TENM1: variants seen among roughly 807,000 people sequenced by gnomAD.
TENM1 encodes teneurin-1.
In TENM1, 35 loss-of-function variants were observed where a neutral mutation model predicts 174.8. That is an observed-to-expected ratio of 0.20 (90% CI 0.15 to 0.27). TENM1 has a LOEUF of 0.27. Ranked by LOEUF, TENM1 falls within the 10% of genes least tolerant of loss-of-function variation. The pLI is 1.00. For missense variants in TENM1, 1,633 were observed against 2,130.1 expected (o/e 0.77, Z 4.59); for synonymous variants, 781 against 798.7 (o/e 0.98, Z 0.37).
chrX:124,879,634 C>A (rs141615680), intron 3 of TENM1, among the ~76,000 whole-genome samples: 1,483 of 111,618 alleles, frequency 0.013, 35 homozygotes, highest in African/African-American at 0.046. Flanking sequence ...GATAAATGCC[C>A]AAGAGTGGGA....
the TENM1 span, among the ~76,000 whole-genome samples, chrX:125,178,521 C>T: frequency 9.1e-6 from 1 of 110,201 alleles, no homozygotes; most frequent in Non-Finnish European, 1.9e-5. Context: ...AAATATCTGA[C>T]CATTACTGAA....
At chrX:124,998,597 C>G in the TENM1 span, among the ~76,000 whole-genome samples, 1 of 111,029 alleles carries the variant, frequency 9.0e-6, no homozygotes, top group African/African-American at 3.3e-5. Flanking sequence ...TTACTCTACA[C>G]AGCATCCTAT....
intron 4 of TENM1, among the ~76,000 whole-genome samples, chrX:124,709,823 A>T (rs1292745860): frequency 9.0e-6 from 1 of 110,948 alleles, no homozygotes; most frequent in Non-Finnish European, 1.9e-5. Flanking sequence ...TGTATGTCAA[A>T]TGTTCTTCTA....
At position 124,490,023 on chromosome X, in the gene TENM1, A is replaced by G. The variant is rs183481024; in HGVS notation, c.3696-2794T>C. ...TATCACAACTTACCTGTCCTGTTTT[A>G]GGGCCCTGTTTTCAGCTAGCAGTCC... On this transcript the variant is annotated intron_variant, in intron 20 of 31. Coordinates refer to ENST00000422452, the Ensembl canonical transcript of TENM1. Among the ~76,000 whole-genome samples the G allele has an allele frequency of 5.4e-3, 603 of 111,542 alleles. 3 individuals carry two copies. Among genetic ancestry groups the G allele is most frequent in the African/African-American group, 0.018 (564 of 30,709 alleles).
At chrX:125,009,615 T>C in the TENM1 span, among the ~76,000 whole-genome samples, 1 of 111,781 alleles carries the variant, frequency 8.9e-6, no homozygotes, top group Admixed American at 9.5e-5. Flanking sequence ...CTGATGAACA[T>C]TGATTTGAAA....
intron 3 of TENM1, among the ~76,000 whole-genome samples, chrX:124,818,415 C>T (rs892700786): frequency 3.6e-5 from 4 of 111,815 alleles, no homozygotes; most frequent in Non-Finnish European, 7.5e-5. Flanking sequence ...AAATGTGAGG[C>T]GGTAATGCGG....
At chrX:124,629,183 T>G (rs1246579364) in intron 11 of TENM1, among the ~76,000 whole-genome samples, 1 of 112,597 alleles carries the variant, frequency 8.9e-6, no homozygotes, top group Admixed American at 9.4e-5. Context: ...ATCAGGAATG[T>G]AAATTTTCCT....
chrX:124,692,324 C>T (rs929579115), intron 5 of TENM1, among the ~76,000 whole-genome samples: 2 of 111,126 alleles, frequency 1.8e-5, no homozygotes, highest in Non-Finnish European at 3.8e-5. Flanking sequence ...GAAAAACTAC[C>T]TATCAGGTAC....
chrX:124,806,422 C>T (rs1165321851), intron 3 of TENM1, among the ~76,000 whole-genome samples: 3 of 111,682 alleles, frequency 2.7e-5, no homozygotes, highest in Non-Finnish European at 5.6e-5. Flanking sequence ...GAAAAACGTC[C>T]AAACCTTGAG....
At chrX:124,981,874 T>TGAACTAAAAATGTTCCACAAAA in the TENM1 span, among the ~76,000 whole-genome samples, 10 of 50,058 alleles carry the variant, frequency 2.0e-4, no homozygotes, top group African/African-American at 1.1e-3. Context: ...CAAAAACAGG[T>TGAACTAAAAATGTTCCACAAAA]GCAGCGCACC....
At chrX:125,051,465 A>G in the TENM1 span, among the ~76,000 whole-genome samples, 1 of 111,281 alleles carries the variant, frequency 9.0e-6, no homozygotes, top group African/African-American at 3.3e-5. Flanking sequence ...TACAGTAACC[A>G]AAACAGCATG....
chrX:124,988,377 T>C, the TENM1 span, among the ~76,000 whole-genome samples: 1 of 112,098 alleles, frequency 8.9e-6, no homozygotes, highest in Non-Finnish European at 1.9e-5. Context: ...AGAAGCTATA[T>C]AAAATCTAGT....
chrX:125,112,810 G>C, the TENM1 span, among the ~76,000 whole-genome samples: 2 of 111,358 alleles, frequency 1.8e-5, no homozygotes, highest in Non-Finnish European at 3.8e-5. Flanking sequence ...AAAAATTAAA[G>C]ATCTAAATAA....
intron 22 of TENM1, among the ~76,000 whole-genome samples, chrX:124,457,613 T>G (rs1316199704): frequency 8.9e-6 from 1 of 111,771 alleles, no homozygotes; most frequent in Non-Finnish European, 1.9e-5. Context: ...ACTTATAAAT[T>G]TATCACCTGT....
intron 11 of TENM1, among the ~76,000 whole-genome samples, chrX:124,585,441 G>A (rs1205621845): frequency 9.0e-6 from 1 of 111,128 alleles, no homozygotes; most frequent in East Asian, 2.8e-4. Context: ...TGACTACTGG[G>A]TACATAACGA....
intron 6 of TENM1, among the ~76,000 whole-genome samples, chrX:124,657,279 C>A (rs995658950): frequency 6.3e-5 from 7 of 111,618 alleles, no homozygotes; most frequent in Non-Finnish European, 1.1e-4. Flanking sequence ...ATCACAGTCT[C>A]ACCAATATCC....
intron 24 of TENM1, 84 bp from the exon 28 acceptor site, chrX:124,420,905 A>T (rs1182977723): frequency 1.6e-5 from 15 of 921,645 alleles, no homozygotes; most frequent in Non-Finnish European, 2.1e-5. Flanking sequence ...CTGTGCATCA[A>T]GAATCATTTT....
At chrX:124,861,095 C>T (rs188306414) in intron 3 of TENM1, among the ~76,000 whole-genome samples, 70 of 112,022 alleles carry the variant, frequency 6.2e-4, no homozygotes, top group African/African-American at 2.0e-3. Context: ...GCAAGTTATA[C>T]AAATGAGCAA....
At chrX:125,157,074 C>T in the TENM1 span, among the ~76,000 whole-genome samples, 9 of 112,331 alleles carry the variant, frequency 8.0e-5, no homozygotes, top group Non-Finnish European at 1.5e-4. Flanking sequence ...ATTAGAATCA[C>T]CTGGGGGCCT....
Sources: allele counts gnomAD v4.1 joint callset (sites outside exome capture counted in the v4.1 genomes callset), GRCh38; gene constraint gnomAD v4.1.1; transcripts MANE v1.5; gene names NCBI Gene and HGNC (gene_info 2026-07-23, HGNC 2026-07-21).